CCSER2: variants seen among roughly 807,000 people sequenced by gnomAD.
The protein encoded by CCSER2 is serine-rich coiled-coil domain-containing protein 2.
In CCSER2, 46 loss-of-function variants were observed where a neutral mutation model predicts 92.3. The observed-to-expected ratio is 0.50, with a 90% CI of 0.39 to 0.64. CCSER2 has a LOEUF of 0.64. Among genes scored for constraint, CCSER2 ranks in the 30% least tolerant of loss-of-function variants. The pLI is 0.00. For missense variants in CCSER2, 1,244 were observed against 1,238.9 expected (o/e 1.00, Z -0.06); for synonymous variants, 433 against 431.4 (o/e 1.00, Z -0.04).
chr10:84,429,676 A>G (rs911882022), intron 5 of CCSER2, among the ~76,000 whole-genome samples: 4 of 143,244 alleles, frequency 2.8e-5, no homozygotes, highest in Non-Finnish European at 4.5e-5. Flanking sequence ...TCAACAGTTA[A>G]ATTATAATGC....
intron 3 of CCSER2, among the ~76,000 whole-genome samples, chr10:84,376,666 T>C (rs1169424384): frequency 2.6e-5 from 4 of 152,140 alleles, no homozygotes; most frequent in South Asian, 2.1e-4. Context: ...TTTTGATATA[T>C]GTTTTTTTGG....
At chr10:84,433,967 C>T (rs536339492) in intron 5 of CCSER2, among the ~76,000 whole-genome samples, 1 of 152,326 alleles carries the variant, frequency 6.6e-6, no homozygotes, top group Admixed American at 6.5e-5. Flanking sequence ...GATCTCACTT[C>T]ACTAACACAT....
chr10:84,504,509 G>C (rs1295319452), intron 9 of CCSER2, among the ~76,000 whole-genome samples: 1 of 152,122 alleles, frequency 6.6e-6, no homozygotes, highest in African/African-American at 2.4e-5. Flanking sequence ...CGACTGCACT[G>C]TCTCAGTTTA....
intron 1 of CCSER2, among the ~76,000 whole-genome samples, chr10:84,360,665 C>T (rs1460313394): frequency 6.6e-6 from 1 of 152,170 alleles, no homozygotes; most frequent in Non-Finnish European, 1.5e-5. Context: ...GTCTCTGTCC[C>T]AGGGATTTCC....
intron 7 of CCSER2, among the ~76,000 whole-genome samples, chr10:84,466,808 C>T (rs117146622): frequency 0.026 from 4,001 of 152,172 alleles, 73 homozygotes; most frequent in Middle Eastern, 0.058. Flanking sequence ...CCACCGCGCC[C>T]GGCCTCCTTC....
At chr10:84,395,808 A>G (rs1841795996) in intron 3 of CCSER2, among the ~76,000 whole-genome samples, 1 of 152,188 alleles carries the variant, frequency 6.6e-6, no homozygotes, top group Non-Finnish European at 1.5e-5. Flanking sequence ...ACCACAAAAT[A>G]TTCCAGGCTT....
chr10:84,407,164 C>T (rs1436270151), intron 3 of CCSER2, among the ~76,000 whole-genome samples: 1 of 152,164 alleles, frequency 6.6e-6, no homozygotes, highest in East Asian at 1.9e-4. Context: ...ATTCAGTTGT[C>T]CTTTGAATTT....
intron 3 of CCSER2, among the ~76,000 whole-genome samples, chr10:84,375,301 G>GA (rs914141047): frequency 6.6e-6 from 1 of 151,996 alleles, no homozygotes; most frequent in Admixed American, 6.6e-5. Context: ...GGTATGGGAA[G>GA]AAAAAAACAT....
chr10:84,499,555 A>G (rs1009754473), intron 9 of CCSER2, among the ~76,000 whole-genome samples: 3 of 152,188 alleles, frequency 2.0e-5, no homozygotes, highest in African/African-American at 7.2e-5. Flanking sequence ...TTTCTGCAAA[A>G]GACTGGAATC....
intron 9 of CCSER2, among the ~76,000 whole-genome samples, chr10:84,509,322 A>G (rs770872939): frequency 2.0e-5 from 3 of 152,242 alleles, no homozygotes; most frequent in Admixed American, 6.5e-5. Flanking sequence ...TCATTTATCT[A>G]GCAAATGTAT....
rs1465872923 is a variant in CCSER2 at position 84,517,459 on chromosome 10, A to G, written c.*3192A>G. The G allele has an allele frequency of 1.3e-5, 2 of 152,580 alleles. No individual in the cohort carries two copies. The highest frequency in any genetic ancestry group is 1.5e-5 in the Non-Finnish European group (1 of 68,036). The allele number at this position is 152,580 out of a possible 1,614,324, so 9.5% of individuals were successfully genotyped here. Reference sequence around the variant, plus strand: ...ATAGGCTACTGTTCATTGTATTTATATATATATTAGAATTTACTAAGTACT... The same window carrying G: ...ATAGGCTACTGTTCATTGTATTTATGTATATATTAGAATTTACTAAGTACT... On this transcript the variant is annotated 3_prime_UTR_variant, in exon 10 of 10. Transcript: ENST00000372088.
At chr10:84,460,004 G>A (rs1846002798) in intron 6 of CCSER2, among the ~76,000 whole-genome samples, 1 of 151,456 alleles carries the variant, frequency 6.6e-6, no homozygotes, top group African/African-American at 2.4e-5. Flanking sequence ...TCTGACTATT[G>A]AACCAGCTTT....
intron 9 of CCSER2, among the ~76,000 whole-genome samples, chr10:84,480,812 C>T (rs983545788): frequency 2.0e-5 from 3 of 152,110 alleles, no homozygotes. Context: ...TCTGTCATCT[C>T]TATTTAGATG....
Position 84,360,405 on chromosome 10 carries a change from G to T in CCSER2, c.-39-10609G>T, listed in dbSNP as rs532940906. Among the ~76,000 whole-genome samples the T allele has an allele frequency of 2.6e-5, 4 of 152,270 alleles. No individual in the cohort carries two copies. The South Asian group carries it at 8.3e-4, about 32-fold the overall frequency. On this transcript the variant is annotated intron_variant, in intron 1 of 9. Transcript: ENST00000372088. ...GAAATACAAGAAGAGCAGGATACAT[G>T]CTTATTTCTTTTATCAATTTGTAGA...
chr10:84,407,641 C>T (rs1156807309), intron 3 of CCSER2, among the ~76,000 whole-genome samples: 1 of 152,238 alleles, frequency 6.6e-6, no homozygotes, highest in Non-Finnish European at 1.5e-5. Flanking sequence ...TTTTCTGTCT[C>T]ACTTAAATCC....
Position 84,379,145 on chromosome 10 carries a change from A to C in CCSER2, c.1614+5330A>C, listed in dbSNP as rs1846505218. Among the ~76,000 whole-genome samples the C allele has an allele frequency of 2.6e-5, 4 of 152,270 alleles. No homozygotes were observed. The South Asian group carries it at 8.3e-4, about 32-fold the overall frequency. ...TGAGAAGGTTTTTAATAACAGTTTT[A>C]ATTTTTAGATATTGGCATATTAAAA... On this transcript the variant is annotated intron_variant, in intron 3 of 9. Coordinates refer to ENST00000372088, the MANE Select transcript of CCSER2 (RefSeq NM_001284240.2).
intron 3 of CCSER2, among the ~76,000 whole-genome samples, chr10:84,410,279 C>T (rs1202595518): frequency 6.6e-6 from 1 of 152,064 alleles, no homozygotes; most frequent in East Asian, 1.9e-4. Flanking sequence ...ATTATATATC[C>T]AGTAATGGGA....
At position 84,371,550 on chromosome 10, in the gene CCSER2, C is replaced by T. The variant is rs763178696; in HGVS notation, c.498C>T (p.Ile166=). Reference sequence around the variant, plus strand: ...TAGGAAGGACTTCATATTCTTCGATCAATACTCCAAAATCACAGTTGAATG... The same window carrying T: ...TAGGAAGGACTTCATATTCTTCGATTAATACTCCAAAATCACAGTTGAATG... The part of the protein sequence containing the change: ...TLLGRTSYSS[I]NTPKSQLNGF... Residue 166 remains isoleucine (I), a synonymous_variant, in exon 2 of 10, where the codon ATC becomes ATT. Coordinates refer to ENST00000372088, the MANE Select transcript of CCSER2 (RefSeq NM_001284240.2). 7 of 1,613,556 alleles carry T rather than the reference C, an allele frequency of 4.3e-6. No homozygotes were observed. The African/African-American group carries it at 5.3e-5, about 12-fold the overall frequency.
intron 8 of CCSER2, among the ~76,000 whole-genome samples, chr10:84,470,840 A>G (rs1263580658): frequency 1.3e-5 from 2 of 152,040 alleles, no homozygotes; most frequent in Admixed American, 6.6e-5. Flanking sequence ...ATTCAGATTT[A>G]GGTAGCTGCA....
Sources: gnomAD v4.1 joint callset for allele counts (sites outside exome capture counted in the v4.1 genomes callset) on GRCh38, gnomAD v4.1.1 for gene constraint, MANE v1.5 for transcripts, NCBI Gene and HGNC (gene_info 2026-07-23, HGNC 2026-07-21) for gene names.